The following TEX36 variants were observed in gnomAD, a reference collection of about 807,000 sequenced individuals.
The protein encoded by TEX36 is testis expressed 36, also known as testis-expressed protein 36.
TEX36 carries 12 observed loss-of-function variants against 13.6 expected under a neutral mutation model. The observed-to-expected ratio is 0.88, with a 90% CI of 0.56 to 1.43. The LOEUF is 1.43. Ranked by LOEUF, TEX36 falls within the 40% of genes most tolerant of loss-of-function variation. The probability of loss-of-function intolerance (pLI) is 0.00; values close to 1 mark genes in which losing one functional copy is unlikely to be tolerated. For missense variants in TEX36, 224 were observed against 228.3 expected (o/e 0.98, Z 0.12); for synonymous variants, 93 against 83.0 (o/e 1.12, Z -0.65).
chr10:125,613,198 G>A (rs1846311938), intron 3 of TEX36, among the ~76,000 whole-genome samples: 1 of 146,644 alleles, frequency 6.8e-6, no homozygotes, highest in South Asian at 2.2e-4. Context: ...TCTTTCTCTA[G>A]GTCTCATTTC....
intron 1 of TEX36, among the ~76,000 whole-genome samples, chr10:125,673,861 C>T (rs1847270730): frequency 6.6e-6 from 1 of 151,564 alleles, no homozygotes; most frequent in Non-Finnish European, 1.5e-5. Context: ...ACATTTTTTC[C>T]TTCATTTCCA....
chr10:125,680,052 T>C (rs907417855), intron 1 of TEX36, among the ~76,000 whole-genome samples: 4 of 152,268 alleles, frequency 2.6e-5, no homozygotes, highest in Admixed American at 2.6e-4. Context: ...TAATATATTC[T>C]AGAAATGTGT....
At chr10:125,585,826 C>T (rs1845939973) in intron 3 of TEX36, among the ~76,000 whole-genome samples, 1 of 152,212 alleles carries the variant, frequency 6.6e-6, no homozygotes, top group African/African-American at 2.4e-5. Flanking sequence ...GGAAGGCTCC[C>T]ATGTCACATA....
At chr10:125,665,031 A>G (rs1847101529) in intron 1 of TEX36, among the ~76,000 whole-genome samples, 1 of 151,926 alleles carries the variant, frequency 6.6e-6, no homozygotes, top group African/African-American at 2.4e-5. Flanking sequence ...AGAAATGTCT[A>G]TTCATGTCCT....
At chr10:125,587,372 TAAAGGTTATTAAACTTACACAGTTGAA>T (rs1845967012) in intron 3 of TEX36, among the ~76,000 whole-genome samples, 1 of 152,160 alleles carries the variant, frequency 6.6e-6, no homozygotes. Flanking sequence ...ATTTAATTTT[TAAAGGTTATTAAACTTACACAGTTGAA>T]ACTTTCAAAG....
At chr10:125,614,939 G>A (rs1245948750) in intron 3 of TEX36, among the ~76,000 whole-genome samples, 1 of 152,128 alleles carries the variant, frequency 6.6e-6, no homozygotes, top group East Asian at 1.9e-4. Context: ...CCATTTGTTT[G>A]TATCCTCTTT....
At chr10:125,625,435 G>T (rs879009146) in intron 3 of TEX36, among the ~76,000 whole-genome samples, 1 of 152,170 alleles carries the variant, frequency 6.6e-6, no homozygotes, top group African/African-American at 2.4e-5. Context: ...AGTCAGATTT[G>T]ATCCAAAGGT....
chr10:125,588,531 C>T (rs1262621433), intron 3 of TEX36, among the ~76,000 whole-genome samples: 1 of 152,136 alleles, frequency 6.6e-6, no homozygotes, highest in Non-Finnish European at 1.5e-5. Context: ...AAAGGGGAAG[C>T]AATGCAGCAT....
At chr10:125,680,166 C>T (rs1232497865) in intron 1 of TEX36, among the ~76,000 whole-genome samples, 3 of 152,134 alleles carry the variant, frequency 2.0e-5, no homozygotes, top group East Asian at 1.9e-4. Flanking sequence ...AAAGGGTCTT[C>T]GGGTTCTGAA....
intron 3 of TEX36, among the ~76,000 whole-genome samples, chr10:125,583,462 G>T (rs996221929): frequency 6.6e-6 from 1 of 152,168 alleles, no homozygotes; most frequent in East Asian, 1.9e-4. Flanking sequence ...AAGAACAAAA[G>T]GTTCTTTTTG....
chr10:125,602,877 C>T (rs776537477), intron 3 of TEX36, among the ~76,000 whole-genome samples: 3 of 152,196 alleles, frequency 2.0e-5, no homozygotes, highest in African/African-American at 7.2e-5. Flanking sequence ...CAAACGCATG[C>T]GGTACAAATG....
intron 3 of TEX36, among the ~76,000 whole-genome samples, chr10:125,616,374 G>A (rs1846358987): frequency 7.0e-6 from 1 of 142,878 alleles, no homozygotes; most frequent in African/African-American, 2.6e-5. Context: ...TAATTGTGAT[G>A]TTAGGGTGTC....
At chr10:125,658,979 A>G (rs1846988134) in intron 3 of TEX36, among the ~76,000 whole-genome samples, 1 of 152,150 alleles carries the variant, frequency 6.6e-6, no homozygotes, top group Non-Finnish European at 1.5e-5. Context: ...ACAAAATAAG[A>G]CTATTTTGAG....
intron 3 of TEX36, among the ~76,000 whole-genome samples, chr10:125,632,124 A>G (rs190417427): frequency 1.3e-5 from 2 of 152,180 alleles, no homozygotes; most frequent in East Asian, 1.9e-4. Flanking sequence ...AGGGGCATCT[A>G]TGAGGACTCC....
At chr10:125,668,091 G>T (rs936766518) in intron 1 of TEX36, 2 of 594,512 alleles carry the variant, frequency 3.4e-6, no homozygotes, top group Non-Finnish European at 6.0e-6. Context: ...ACAGAGTGTG[G>T]TTGGGGCACC....
intron 3 of TEX36, among the ~76,000 whole-genome samples, chr10:125,587,334 G>A (rs1433279): frequency 0.31 from 46,341 of 151,916 alleles, 8,688 homozygotes; most frequent in East Asian, 0.47. Context: ...GGAAAAAAGC[G>A]TTTTATGTTT....
chr10:125,578,161 T>A (rs539268394), intron 3 of TEX36: 2 of 152,248 alleles, frequency 1.3e-5, no homozygotes, highest in African/African-American at 4.8e-5. Flanking sequence ...ATGGATTTAC[T>A]GTGGGATGTG....
intron 3 of TEX36, among the ~76,000 whole-genome samples, chr10:125,625,630 T>C (rs1846477443): frequency 6.6e-6 from 1 of 152,238 alleles, no homozygotes. Context: ...AACAACTTTA[T>C]TGAGATGTAA....
At chr10:125,631,292 C>A (rs1846550554) in intron 3 of TEX36, among the ~76,000 whole-genome samples, 1 of 152,104 alleles carries the variant, frequency 6.6e-6, no homozygotes, top group Non-Finnish European at 1.5e-5. Context: ...TATTTTGACT[C>A]CTAAAAAATA....
Sources: gnomAD v4.1 joint callset for allele counts (sites outside exome capture counted in the v4.1 genomes callset) on GRCh38, gnomAD v4.1.1 for gene constraint, MANE v1.5 for transcripts, NCBI Gene and HGNC (gene_info 2026-07-23, HGNC 2026-07-21) for gene names.